UBR2: variants seen among roughly 807,000 people sequenced by gnomAD.
UBR2 encodes the protein ubiquitin protein ligase E3 component n-recognin 2.
UBR2 carries 92 observed loss-of-function variants against 247.9 expected under a neutral mutation model. The ratio of observed to expected loss-of-function variants is 0.37; its 90% CI spans 0.31 to 0.44. UBR2 has a LOEUF of 0.44. Ranked by LOEUF, UBR2 falls within the 20% of genes least tolerant of loss-of-function variation. The pLI, the probability that UBR2 is intolerant of heterozygous loss-of-function variation, is 1.00. For missense variants in UBR2, 1,613 were observed against 2,112.6 expected (o/e 0.76, Z 4.64); for synonymous variants, 672 against 693.5 (o/e 0.97, Z 0.49).
At chr6:42,658,443 C>A in intron 28 of UBR2, 123 bp downstream of exon 28, 1 of 1,100,086 alleles carries the variant, frequency 9.1e-7, no homozygotes. Context: ...AAATATGCCA[C>A]TATTTATCTC....
At chr6:42,651,562 C>T (rs1797114116) in intron 23 of UBR2, among the ~76,000 whole-genome samples, 1 of 151,976 alleles carries the variant, frequency 6.6e-6, no homozygotes, top group Non-Finnish European at 1.5e-5. Flanking sequence ...CAGACCTCGG[C>T]TCACTAGAGC....
intron 18 of UBR2, 114 bp from the exon 19 acceptor site, chr6:42,644,100 T>C: frequency 9.4e-7 from 1 of 1,062,648 alleles, no homozygotes; most frequent in African/African-American, 1.6e-5. Flanking sequence ...CCTTTTAGGA[T>C]TGGTAAACTG....
chr6:42,589,117 C>G (rs1792490960), intron 2 of UBR2, among the ~76,000 whole-genome samples: 1 of 152,098 alleles, frequency 6.6e-6, no homozygotes, highest in Admixed American at 6.6e-5. Context: ...TACAGGCACA[C>G]CACTGTGCCT....
In UBR2 at chr6:42,617,454, A is replaced by C; in HGVS notation, c.1228A>C (p.Arg410=). ...QSDYVTDDHD[R]EFSVADLSVQ... ...TGATTATGTGACAGATGACCACGAC[A>C]GAGAGTTTTCAGTCGCAGACCTCTC... The change falls in exon 11 of 47, where the codon AGA becomes CGA. Residue 410 remains arginine (R), a synonymous_variant. Transcript: ENST00000372901. 5 of 1,564,544 alleles carry C rather than the reference A, an allele frequency of 3.2e-6. No homozygotes were observed. The highest frequency in any genetic ancestry group is 4.3e-6 in the Non-Finnish European group (5 of 1,153,798).
intron 11 of UBR2, among the ~76,000 whole-genome samples, chr6:42,630,015 G>A (rs1012637546): frequency 6.6e-6 from 1 of 151,846 alleles, no homozygotes; most frequent in African/African-American, 2.4e-5. Flanking sequence ...CTCAACCTCA[G>A]CCTCACAAGT....
rs566075068 is a variant in UBR2 at position 42,598,732 on chromosome 6, A to T, written c.531+4428A>T. 2.6e-5 allele frequency among the ~76,000 whole-genome samples: 4 copies of T among 152,284 alleles called. No homozygotes were observed. The East Asian group carries it at 7.7e-4, about 29-fold the overall frequency. On this transcript the variant is annotated intron_variant, in intron 4 of 46. Transcript: ENST00000372901. ...TTATGTTTCTCCTGGTGTGAATCTC[A>T]TAACTGATTGTGTTTCCTTTTGTTG...
At position 42,673,951 on chromosome 6, in the gene UBR2, G is replaced by A. The variant is rs1047419648; in HGVS notation, c.4183+64G>A. ...ATCCTCTGAAATTTTGTTTTTAATG[G>A]TACAGCTTCTCTCAGTAATGAATTA... On this transcript the variant is annotated intron_variant, in intron 37 of 46. Coordinates refer to ENST00000372901, the MANE Select transcript of UBR2 (RefSeq NM_001363705.2). The A allele has an allele frequency of 3.5e-6, 5 of 1,418,640 alleles. No homozygotes were observed. The South Asian group carries it at 6.0e-5, about 17-fold the overall frequency. The allele number at this position is 1,418,640 out of a possible 1,614,324, so 87.9% of individuals were successfully genotyped here. A position where few individuals can be genotyped will look rare whatever the true frequency, so the allele number is the denominator to read the frequency against.
chr6:42,662,106 C>T, intron 30 of UBR2, 78 bp from the exon 31 acceptor site: 1 of 923,028 alleles, frequency 1.1e-6, no homozygotes, highest in South Asian at 1.6e-5. Context: ...AAGGATTTTA[C>T]AATTTAAAGT....
At chr6:42,617,573 A>C in intron 11 of UBR2, 66 bp downstream of exon 11, 9 of 1,377,406 alleles carry the variant, frequency 6.5e-6, no homozygotes, top group South Asian at 1.3e-5. Context: ...AATAATAGAG[A>C]ACTAAAGTCT....
chr6:42,615,627 T>C (rs946016507), intron 9 of UBR2, among the ~76,000 whole-genome samples: 5 of 151,988 alleles, frequency 3.3e-5, no homozygotes, highest in African/African-American at 1.2e-4. Flanking sequence ...TCTTTGTTTT[T>C]GAGACTTAAA....
intron 11 of UBR2, among the ~76,000 whole-genome samples, chr6:42,621,831 C>T (rs148687756): frequency 7.1e-4 from 108 of 152,216 alleles, no homozygotes; most frequent in Non-Finnish European, 1.1e-3. Context: ...TCCATACACA[C>T]GAAGAAGCCT....
chr6:42,643,454 G>A (rs1796560852), intron 18 of UBR2, among the ~76,000 whole-genome samples: 1 of 151,980 alleles, frequency 6.6e-6, no homozygotes, highest in Non-Finnish European at 1.5e-5. Flanking sequence ...AAATTAGCCT[G>A]GCATGGTGTC....
chr6:42,666,177 T>G lies in UBR2; in HGVS notation c.3813T>G (p.Ser1271=). The change falls in exon 34 of 47, where the codon TCT becomes TCG. Residue 1271 remains serine (S), a synonymous_variant. Coordinates refer to ENST00000372901, the MANE Select transcript of UBR2 (RefSeq NM_001363705.2). ...RKEESTPNNA[S]TKNSENVDEL... is the part of the protein sequence containing the mutation. ...TGCCTGTTTCTATAGATAATGCCTC[T>G]ACAAAGAATTCAGAAAATGTGGATG... 1 of 1,612,414 alleles carries G rather than the reference T, an allele frequency of 6.2e-7. No individual in the cohort carries two copies. The highest frequency in any genetic ancestry group is 8.5e-7 in the Non-Finnish European group (1 of 1,179,162).
Position 42,691,327 on chromosome 6 carries a change from A to G in UBR2, c.*154A>G, listed in dbSNP as rs980966983. The G allele has an allele frequency of 5.0e-6, 5 of 1,001,308 alleles. No individual in the cohort carries two copies. Among genetic ancestry groups the G allele is most frequent in the Non-Finnish European group, 5.8e-6 (4 of 687,490 alleles). 62.0% of individuals were successfully genotyped at this position (1,001,308 alleles called of 1,614,324 possible). A position where few individuals can be genotyped will look rare whatever the true frequency, so the allele number is the denominator to read the frequency against. ...CTGGTTCTGAGGACTGATGAAAATCATCTTCCATCAGCAGATTTTCTTGCA... is the reference window on the plus strand; with the variant it reads ...CTGGTTCTGAGGACTGATGAAAATCGTCTTCCATCAGCAGATTTTCTTGCA... On this transcript the variant is annotated 3_prime_UTR_variant, in exon 47 of 47. Coordinates refer to ENST00000372901, the MANE Select transcript of UBR2 (RefSeq NM_001363705.2).
intron 1 of UBR2, among the ~76,000 whole-genome samples, chr6:42,564,792 G>A (rs969433708): frequency 6.6e-6 from 1 of 152,102 alleles, no homozygotes; most frequent in African/African-American, 2.4e-5. Context: ...CTAGTTAATT[G>A]CTTTTCCTGA....
At chr6:42,673,663 G>A in intron 36 of UBR2, 128 bp from the exon 37 acceptor site, 1 of 620,240 alleles carries the variant, frequency 1.6e-6, no homozygotes, top group Non-Finnish European at 2.9e-6. Context: ...TCATTGAGAT[G>A]TCATAGATCT....
At position 42,622,405 on chromosome 6, in the gene UBR2, GT is replaced by G. The variant is rs112798050; in HGVS notation, c.1281+4912del. Among the ~76,000 whole-genome samples, 579 of 138,732 alleles carry G rather than the reference GT, an allele frequency of 4.2e-3. 11 individuals carry two copies. The highest frequency in any genetic ancestry group is 0.012 in the African/African-American group (427 of 36,926). 91.0% of individuals were successfully genotyped at this position (138,732 alleles called of 152,430 possible). On this transcript the variant is annotated intron_variant, in intron 11 of 46. Transcript: ENST00000372901. ...ACATTGTTTTTGGGTTTTTTGGTGG[GT>G]TTTTTTTTTTTTTGAGACAGAACCT...
At chr6:42,667,682 TTCATGTACTTGTTTTCTATGTA>T (rs1798195075) in intron 34 of UBR2, among the ~76,000 whole-genome samples, 21 of 141,804 alleles carry the variant, frequency 1.5e-4, no homozygotes, top group South Asian at 2.2e-4. Context: ...CCTTGTCTTT[TTCATGTACTTGTTTTCTATGTA>T]TTTTTTTTTT....
intron 41 of UBR2, 90 bp from the exon 42 acceptor site, chr6:42,679,634 C>CA (rs1798913385): frequency 4.2e-6 from 4 of 949,748 alleles, no homozygotes; most frequent in Non-Finnish European, 6.4e-6. Context: ...GTCTTTCATC[C>CA]TTTTTTTTTA....
Sources: gnomAD v4.1 joint callset for allele counts (sites outside exome capture counted in the v4.1 genomes callset) on GRCh38, gnomAD v4.1.1 for gene constraint, MANE v1.5 for transcripts, NCBI Gene and HGNC (gene_info 2026-07-23, HGNC 2026-07-21) for gene names.